The following CCDC85C variants were observed in gnomAD, a reference collection of about 807,000 sequenced individuals.
The protein encoded by CCDC85C is coiled-coil domain containing 85C, also known as coiled-coil domain-containing protein 85C.
Under a neutral mutation model 38.3 loss-of-function variants are expected in CCDC85C, and 18 were observed. The observed-to-expected ratio is 0.47, with a 90% CI of 0.33 to 0.70. The LOEUF (loss-of-function observed/expected upper bound fraction) is 0.70, where lower values mean the gene tolerates loss of function less well. CCDC85C is among the 30% of genes least tolerant of loss of function. The pLI is 0.03. For synonymous variants in CCDC85C, 264 were observed against 293.8 expected, an observed-to-expected ratio of 0.90 and a Z score of 1.04; for missense variants, 566 against 621.2, an observed-to-expected ratio of 0.91 and a Z score of 0.94.
In CCDC85C at chr14:99,501,028, T is replaced by C. The variant is rs1340084252; in HGVS notation, c.*14218A>G. 1.6e-6 allele frequency: 1 copy of C among 623,070 alleles called. No homozygotes were observed. The highest frequency in any genetic ancestry group is 3.2e-5 in the Admixed American group (1 of 31,704). 38.6% of individuals were successfully genotyped at this position (623,070 alleles called of 1,614,324 possible). ...TCAGTCAATTCAGCATTGCAGCTGC[T>C]AATGCTGTTTCCTTTTATGTATAAA... On this transcript the variant is annotated 3_prime_UTR_variant, in exon 6 of 6. Transcript: ENST00000380243.
In CCDC85C at chr14:99,602,650, G is replaced by A. The variant is rs375553376; in HGVS notation, c.793+517C>T. ...CCAGGCCTCTCCCCAACTGCCTCTG[G>A]GTCTCAAGCGGCTGCCTGTGCACCT... On this transcript the variant is annotated intron_variant, in intron 1 of 5. Transcript: ENST00000380243. Among the ~76,000 whole-genome samples the A allele has an allele frequency of 5.3e-5, 8 of 152,228 alleles. No homozygotes were observed. In the East Asian group the frequency reaches 1.4e-3, roughly 26 times the overall value.
At position 99,603,909 on chromosome 14, in the gene CCDC85C, C is replaced by T; in HGVS notation, c.51G>A (p.Gln17=). 1 of 1,476,174 alleles carries T rather than the reference C, an allele frequency of 6.8e-7. No homozygotes were observed. The highest frequency in any genetic ancestry group is 2.9e-5 in the East Asian group (1 of 34,348). The allele number at this position is 1,476,174 out of a possible 1,614,324, so 91.4% of individuals were successfully genotyped here. Residue 17 remains glutamine (Q), a synonymous_variant, in exon 1 of 6, where the codon CAG becomes CAA. Transcript: ENST00000380243. The surrounding 1 kb of genome is among the most constrained non-coding windows in gnomAD (Gnocchi z 7.5). ...TAAAASEELS[Q]VPDEELLRWS... ...AGCGCAGCAGCTCCTCGTCCGGCAC[C>T]TGGCTCAGCTCCTCCGACGCCGCCG...
chr14:99,546,969 G>C (rs1897819769), intron 1 of CCDC85C, among the ~76,000 whole-genome samples: 1 of 152,142 alleles, frequency 6.6e-6, no homozygotes, highest in Non-Finnish European at 1.5e-5. Context: ...AGGAGTTAGA[G>C]ACCAGCCTGA....
In CCDC85C at chr14:99,591,206, G is replaced by A. The variant is rs546078368; in HGVS notation, c.793+11961C>T. ...TGTTTTCTGATCCTGAAGCCTTTGC[G>A]GCCTCATTTCGAGAACAAGGTGCTG... On this transcript the variant is annotated intron_variant, in intron 1 of 5. Coordinates refer to ENST00000380243, the MANE Select transcript of CCDC85C (RefSeq NM_001144995.2). 3.9e-5 allele frequency among the ~76,000 whole-genome samples: 6 copies of A among 152,342 alleles called. No homozygotes were observed. In the East Asian group the frequency reaches 5.8e-4, roughly 15 times the overall value.
rs1392067116 is a variant in CCDC85C at position 99,604,030 on chromosome 14, G to A, written c.-71C>T. Reference sequence around the variant, plus strand: ...CGCTTCCCCGCGCCGGGGCTCCGCTGGGCCGGTCCGCGCGCGGGCGGGGGG... The same window carrying A: ...CGCTTCCCCGCGCCGGGGCTCCGCTAGGCCGGTCCGCGCGCGGGCGGGGGG... On this transcript the variant is annotated 5_prime_UTR_variant, in exon 1 of 6. Coordinates refer to ENST00000380243, the MANE Select transcript of CCDC85C (RefSeq NM_001144995.2). 25 of 1,019,800 alleles carry A rather than the reference G, an allele frequency of 2.5e-5. No homozygotes were observed. The highest frequency in any genetic ancestry group is 2.7e-5 in the Non-Finnish European group (23 of 854,104). The allele number at this position is 1,019,800 out of a possible 1,614,324, so 63.2% of individuals were successfully genotyped here. A position where few individuals can be genotyped will look rare whatever the true frequency, so the allele number is the denominator to read the frequency against.
At chr14:99,582,779 A>G (rs1361577706) in intron 1 of CCDC85C, among the ~76,000 whole-genome samples, 1 of 152,140 alleles carries the variant, frequency 6.6e-6, no homozygotes, top group African/African-American at 2.4e-5. Flanking sequence ...GCGCCTCTGC[A>G]CTCCAGCCTG....
rs149256423 is a variant in CCDC85C at position 99,576,115 on chromosome 14, C to G, written c.793+27052G>C. Among the ~76,000 whole-genome samples the G allele has an allele frequency of 1.7e-3, 266 of 152,336 alleles. No homozygotes were observed. Among genetic ancestry groups the G allele is most frequent in the African/African-American group, 5.9e-3 (246 of 41,562 alleles). ...CACTAATGGCCACATCTTCCTCCAT[C>G]CCCAAAAAGTAGCCACAATCCCACA... On this transcript the variant is annotated intron_variant, in intron 1 of 5. Coordinates refer to ENST00000380243, the MANE Select transcript of CCDC85C (RefSeq NM_001144995.2). The surrounding 1 kb of genome is among the most constrained non-coding windows in gnomAD (Gnocchi z 4.8).
intron 1 of CCDC85C, among the ~76,000 whole-genome samples, chr14:99,597,340 A>T (rs1275832849): frequency 1.3e-5 from 2 of 152,190 alleles, no homozygotes; most frequent in African/African-American, 2.4e-5. Flanking sequence ...CTCTGGGTTC[A>T]ACCAGATTGG....
chr14:99,522,036 C>T, intron 3 of CCDC85C, 97 bp downstream of exon 3: 2 of 892,224 alleles, frequency 2.2e-6, no homozygotes, highest in Admixed American at 2.1e-5. Context: ...TGAACTCAGG[C>T]ACCCAGATCC....
intron 3 of CCDC85C, 46 bp from the exon 4 acceptor site, chr14:99,517,229 A>T: frequency 7.0e-7 from 1 of 1,424,010 alleles, no homozygotes; most frequent in Non-Finnish European, 9.5e-7. Context: ...GCTGGCTCCC[A>T]CAGGAATGAC....
Position 99,510,347 on chromosome 14 carries a change from C to A in CCDC85C, c.*4899G>T. ...ACATGACCGGGATGTCCACCACCAGCTCCTACATGTCTGGAGAGGGCTACC... is the reference window on the plus strand; with the variant it reads ...ACATGACCGGGATGTCCACCACCAGATCCTACATGTCTGGAGAGGGCTACC... On this transcript the variant is annotated 3_prime_UTR_variant, in exon 6 of 6. Coordinates refer to ENST00000380243, the MANE Select transcript of CCDC85C (RefSeq NM_001144995.2). 2 of 1,589,576 alleles carry A rather than the reference C, an allele frequency of 1.3e-6. No homozygotes were observed. The highest frequency in any genetic ancestry group is 1.7e-5 in the Admixed American group (1 of 57,844).
chr14:99,572,715 C>T lies in CCDC85C; in HGVS notation c.793+30452G>A, dbSNP rs1485801278. On this transcript the variant is annotated intron_variant, in intron 1 of 5. Coordinates refer to ENST00000380243, the MANE Select transcript of CCDC85C (RefSeq NM_001144995.2). The surrounding 1 kb of genome is among the most constrained non-coding windows in gnomAD (Gnocchi z 4.4). ...CATCTGTTTTCTGCTCTTCCTAGCA[C>T]TCACCAGGATATGAAACTGTCCCAT... 6.6e-6 allele frequency: 3 copies of T among 456,134 alleles called. No individual in the cohort carries two copies. Among genetic ancestry groups the T allele is most frequent in the South Asian group, 3.1e-5 (2 of 64,562 alleles). 28.3% of individuals were successfully genotyped at this position (456,134 alleles called of 1,614,324 possible). A position where few individuals can be genotyped will look rare whatever the true frequency, so the allele number is the denominator to read the frequency against.
intron 1 of CCDC85C, among the ~76,000 whole-genome samples, chr14:99,537,276 G>A (rs1897622303): frequency 6.6e-6 from 1 of 152,108 alleles, no homozygotes; most frequent in African/African-American, 2.4e-5. Context: ...CAGCCCCTTT[G>A]ACCACACACA....
Position 99,533,531 on chromosome 14 carries a change from T to C in CCDC85C, c.867+2484A>G, listed in dbSNP as rs1172162173. Among the ~76,000 whole-genome samples, 1 of 152,268 alleles carries C rather than the reference T, an allele frequency of 6.6e-6. No homozygotes were observed. Among genetic ancestry groups the C allele is most frequent in the Non-Finnish European group, 1.5e-5 (1 of 68,042 alleles). ...CAACAAGCAGGCAACAGTGGGTTTC[T>C]GTCCCTAAATTCCAGTCCAACTGCC... On this transcript the variant is annotated intron_variant, in intron 2 of 5. Transcript: ENST00000380243. The surrounding 1 kb of genome is among the most constrained non-coding windows in gnomAD (Gnocchi z 4.2).
Position 99,505,434 on chromosome 14 carries a change from C to T in CCDC85C, c.*9812G>A, listed in dbSNP as rs950407039. 1.3e-5 allele frequency: 2 copies of T among 152,162 alleles called. No individual in the cohort carries two copies. Among genetic ancestry groups the T allele is most frequent in the Admixed American group, 1.3e-4 (2 of 15,284 alleles). The allele number at this position is 152,162 out of a possible 1,614,324, so 9.4% of individuals were successfully genotyped here. ...CACAGAGATTTCCAAGAAAGGAGAA[C>T]GTAAGACATCTCATTAGTAAAGCTT... On this transcript the variant is annotated 3_prime_UTR_variant, in exon 6 of 6. Coordinates refer to ENST00000380243, the MANE Select transcript of CCDC85C (RefSeq NM_001144995.2).
chr14:99,594,594 G>T (rs1007202804), intron 1 of CCDC85C, among the ~76,000 whole-genome samples: 3 of 152,218 alleles, frequency 2.0e-5, no homozygotes, highest in African/African-American at 7.2e-5. Flanking sequence ...CTGGCTCATA[G>T]GACCACTGAG....
intron 1 of CCDC85C, among the ~76,000 whole-genome samples, chr14:99,549,720 C>T (rs1187344407): frequency 2.6e-5 from 4 of 152,226 alleles, no homozygotes; most frequent in African/African-American, 9.6e-5. Flanking sequence ...GCAAATTGGG[C>T]TTCCCGCGTT....
intron 3 of CCDC85C, 71 bp from the exon 4 acceptor site, chr14:99,517,254 A>AG (rs1897241768): frequency 8.1e-7 from 1 of 1,241,972 alleles, no homozygotes; most frequent in Non-Finnish European, 1.1e-6. Flanking sequence ...GGCTCAGACA[A>AG]GGCCCCCATT....
intron 1 of CCDC85C, among the ~76,000 whole-genome samples, chr14:99,552,801 C>T (rs980683285): frequency 3.3e-5 from 5 of 152,262 alleles, no homozygotes; most frequent in East Asian, 1.9e-4. Context: ...AAGGGGGCCA[C>T]GAGCTTCCGG....
Sources: gnomAD v4.1 joint callset for allele counts (sites outside exome capture counted in the v4.1 genomes callset) on GRCh38, gnomAD v4.1.1 for gene constraint, Gnocchi (gnomAD v3.1) non-coding constraint, MANE v1.5 for transcripts, NCBI Gene and HGNC (gene_info 2026-07-23, HGNC 2026-07-21) for gene names.